ZNF469: variants seen among roughly 807,000 people sequenced by gnomAD.
ZNF469 encodes the protein zinc finger protein 469.
Under a neutral mutation model 1.0 loss-of-function variants are expected in ZNF469, and 1 was observed. The ratio of observed to expected loss-of-function variants is 1.00; its 90% CI spans 0.35 to 4.73. The LOEUF is 4.73. Among genes scored for constraint, ZNF469 ranks in the 30% most tolerant of loss-of-function variants. The pLI is 0.16. For synonymous variants in ZNF469, 2,703 were observed against 2,363.4 expected, an observed-to-expected ratio of 1.14 and a Z score of -4.17; for missense variants, 6,100 against 5,356.3, an observed-to-expected ratio of 1.14 and a Z score of -4.33.
At chr16:88,418,194 CAG>C (rs1905355019) in intron 1 of ZNF469, among the ~76,000 whole-genome samples, 2 of 152,348 alleles carry the variant, frequency 1.3e-5, no homozygotes, top group East Asian at 1.9e-4. Context: ...GCAGTGAGGA[CAG>C]GGGACAGTAC....
the ZNF469 span, among the ~76,000 whole-genome samples, chr16:88,274,475 C>G: frequency 6.6e-6 from 1 of 152,224 alleles, no homozygotes; most frequent in Non-Finnish European, 1.5e-5. Flanking sequence ...TGCATGAAGT[C>G]ACATGCTTCT....
At chr16:88,152,576 C>T in the ZNF469 span, among the ~76,000 whole-genome samples, 4 of 152,166 alleles carry the variant, frequency 2.6e-5, no homozygotes, top group Admixed American at 2.0e-4. This position sits in a 1 kb window ranked among gnomAD's most constrained non-coding sequence, Gnocchi z 4.2. Flanking sequence ...CCAGCCCTGA[C>T]GGAGTCCTGG....
the ZNF469 span, among the ~76,000 whole-genome samples, chr16:88,275,582 C>T: frequency 6.6e-6 from 1 of 152,200 alleles, no homozygotes; most frequent in African/African-American, 2.4e-5. Context: ...TGTCATCACC[C>T]TGAGAGGGAG....
At chr16:88,313,292 G>C in the ZNF469 span, among the ~76,000 whole-genome samples, 1 of 152,154 alleles carries the variant, frequency 6.6e-6, no homozygotes, top group Non-Finnish European at 1.5e-5. Context: ...TCATCTTCAT[G>C]AACTCTGTTC....
At chr16:88,240,208 G>A in the ZNF469 span, among the ~76,000 whole-genome samples, 456 of 152,326 alleles carry the variant, frequency 3.0e-3, no homozygotes, top group Admixed American at 6.6e-3. Flanking sequence ...ATTTCTGGAG[G>A]TCAGGACGTG....
the ZNF469 span, among the ~76,000 whole-genome samples, chr16:88,101,623 G>A: frequency 1.4e-4 from 21 of 151,902 alleles, no homozygotes; most frequent in African/African-American, 4.6e-4. Flanking sequence ...GGGGCAGGAC[G>A]AGTTTGGGGC....
chr16:88,317,251 G>A, the ZNF469 span, among the ~76,000 whole-genome samples: 10 of 152,312 alleles, frequency 6.6e-5, no homozygotes, highest in Admixed American at 2.0e-4. Context: ...GATGAACACC[G>A]ACTCACATGC....
At chr16:88,225,390 G>A in the ZNF469 span, among the ~76,000 whole-genome samples, 2 of 152,188 alleles carry the variant, frequency 1.3e-5, no homozygotes, top group Non-Finnish European at 2.9e-5. Flanking sequence ...TATAGAGTGC[G>A]AGGCATTTTG....
the ZNF469 span, among the ~76,000 whole-genome samples, chr16:88,251,620 G>A: frequency 5.4e-5 from 7 of 130,170 alleles, no homozygotes; most frequent in East Asian, 2.3e-4. Context: ...ATGCAGTGGC[G>A]TGATCTCGGC....
chr16:88,370,525 G>C, the ZNF469 span, among the ~76,000 whole-genome samples: 2 of 152,140 alleles, frequency 1.3e-5, no homozygotes. Context: ...ATAATATCTT[G>C]TCGTGTCACC....
At chr16:88,376,887 G>A in the ZNF469 span, among the ~76,000 whole-genome samples, 11 of 152,292 alleles carry the variant, frequency 7.2e-5, no homozygotes, top group East Asian at 2.1e-3. Flanking sequence ...GCCCAGCCCA[G>A]ACGCCAGGCC....
chr16:88,337,926 C>G, the ZNF469 span, among the ~76,000 whole-genome samples: 1 of 152,224 alleles, frequency 6.6e-6, no homozygotes, highest in Non-Finnish European at 1.5e-5. Flanking sequence ...TTTTCTCCTG[C>G]TTTGTGACCT....
At chr16:88,121,396 G>C in the ZNF469 span, among the ~76,000 whole-genome samples, 1 of 152,306 alleles carries the variant, frequency 6.6e-6, no homozygotes, top group East Asian at 1.9e-4. Context: ...TGTCGCCAGC[G>C]CTGTGTCATG....
the ZNF469 span, among the ~76,000 whole-genome samples, chr16:88,354,416 G>A: frequency 1.3e-5 from 2 of 152,162 alleles, no homozygotes; most frequent in African/African-American, 4.8e-5. Context: ...AGGGCTGTCT[G>A]CAGAGTGGTT....
the ZNF469 span, among the ~76,000 whole-genome samples, chr16:88,307,411 C>T: frequency 1.3e-5 from 2 of 152,240 alleles, no homozygotes; most frequent in Non-Finnish European, 1.5e-5. Flanking sequence ...TCCAAGAGGA[C>T]TGGCCAAACT....
chr16:88,121,410 C>T, the ZNF469 span, among the ~76,000 whole-genome samples: 7 of 152,170 alleles, frequency 4.6e-5, no homozygotes, highest in African/African-American at 1.2e-4. Context: ...TGTCATGAGC[C>T]GAACATTTCA....
the ZNF469 span, among the ~76,000 whole-genome samples, chr16:88,245,491 G>A: frequency 7.9e-4 from 121 of 152,378 alleles, 1 homozygote; most frequent in East Asian, 0.023. Context: ...TCCCTCTGTG[G>A]GTCCTGGAGA....
intron 1 of ZNF469, among the ~76,000 whole-genome samples, chr16:88,383,675 C>G (rs901369911): frequency 4.6e-5 from 7 of 151,140 alleles, no homozygotes; most frequent in African/African-American, 1.7e-4. Context: ...CGGATCGGAG[C>G]CGGGGGTGCC....
At chr16:88,425,982 A>G (rs1456532221) in intron 2 of ZNF469, among the ~76,000 whole-genome samples, 1 of 152,230 alleles carries the variant, frequency 6.6e-6, no homozygotes, top group African/African-American at 2.4e-5. Context: ...CAGCAGGAAG[A>G]GCCAGCCGGA....
Sources: allele counts gnomAD v4.1 joint callset (sites outside exome capture counted in the v4.1 genomes callset), GRCh38; gene constraint gnomAD v4.1.1; non-coding constraint Gnocchi (gnomAD v3.1); transcripts MANE v1.5; gene names NCBI Gene and HGNC (gene_info 2026-07-23, HGNC 2026-07-21).